Variants in SLC15A5 observed in about 807,000 individuals in gnomAD.
SLC15A5 encodes the protein Peptide/histidine transporter ENSP00000340402.
A neutral mutation model predicts 56.1 loss-of-function variants in SLC15A5; 58 were observed. The observed-to-expected ratio is 1.03, with a 90% confidence interval of 0.84 to 1.29. The LOEUF is 1.29. SLC15A5 is among the 50% of genes most tolerant of loss of function. The pLI is 0.00. For synonymous variants in SLC15A5, 264 were observed against 250.5 expected (o/e 1.05, Z -0.51); for missense variants, 681 against 672.1 (o/e 1.01, Z -0.15).
chr12:16,190,753 T>G (rs1352393059), intron 8 of SLC15A5, among the ~76,000 whole-genome samples: 1 of 152,144 alleles, frequency 6.6e-6, no homozygotes, highest in Non-Finnish European at 1.5e-5. Flanking sequence ...TAACTGTAAC[T>G]GTAACTCTAA....
At chr12:16,272,898 A>G (rs944470376) in intron 1 of SLC15A5, 115 bp from the exon 2 acceptor site, 21 of 920,776 alleles carry the variant, frequency 2.3e-5, no homozygotes, top group African/African-American at 3.3e-5. Flanking sequence ...TGTCTTATCC[A>G]AACATTTATG....
chr12:16,267,470 T>TA (rs1250816830), intron 2 of SLC15A5, among the ~76,000 whole-genome samples: 2 of 116,756 alleles, frequency 1.7e-5, no homozygotes, highest in Non-Finnish European at 3.7e-5. Flanking sequence ...AGTTCCTTTT[T>TA]ATCTGTAAAT....
chr12:16,208,820 G>A (rs1424993111), intron 7 of SLC15A5, among the ~76,000 whole-genome samples: 1 of 152,094 alleles, frequency 6.6e-6, no homozygotes, highest in African/African-American at 2.4e-5. Context: ...GTATAAGGAG[G>A]TATGTCCTCA....
chr12:16,272,540 C>T (rs1864770641), intron 2 of SLC15A5, 21 bp downstream of exon 2: 1 of 1,533,314 alleles, frequency 6.5e-7, no homozygotes, highest in Admixed American at 2.0e-5. Flanking sequence ...CCTCTTTTCT[C>T]TCCTAGCCAG....
intron 7 of SLC15A5, among the ~76,000 whole-genome samples, chr12:16,203,981 T>A (rs1863988952): frequency 6.6e-6 from 1 of 152,054 alleles, no homozygotes; most frequent in African/African-American, 2.4e-5. Context: ...GTATAAAATG[T>A]CTATGATAAT....
intron 7 of SLC15A5, among the ~76,000 whole-genome samples, chr12:16,209,365 A>G (rs990675348): frequency 6.6e-6 from 1 of 151,886 alleles, no homozygotes; most frequent in Non-Finnish European, 1.5e-5. Flanking sequence ...GTTCCTTTCC[A>G]TCCAACCTCT....
chr12:16,239,961 C>T, intron 4 of SLC15A5, 94 bp from the exon 5 acceptor site: 1 of 1,119,504 alleles, frequency 8.9e-7, no homozygotes, highest in Non-Finnish European at 1.2e-6. Context: ...TGCACGTACT[C>T]TGTGATGGAT....
chr12:16,228,644 T>TCTCCTCCTG (rs1388251484), intron 5 of SLC15A5, among the ~76,000 whole-genome samples: 1 of 152,088 alleles, frequency 6.6e-6, no homozygotes, highest in African/African-American at 2.4e-5. Context: ...AAGGCCAACC[T>TCTCCTCCTG]CTCCTCCTGC....
chr12:16,238,586 C>G (rs1031727769), intron 5 of SLC15A5, among the ~76,000 whole-genome samples: 2 of 147,050 alleles, frequency 1.4e-5, no homozygotes, highest in Non-Finnish European at 3.0e-5. Flanking sequence ...GCCGAGATAG[C>G]GCCACTGCAC....
intron 8 of SLC15A5, among the ~76,000 whole-genome samples, chr12:16,193,615 C>T (rs1863859889): frequency 6.6e-6 from 1 of 151,866 alleles, no homozygotes; most frequent in South Asian, 2.1e-4. Context: ...AAATGAAAAT[C>T]TGCTTAGTTT....
At chr12:16,261,764 A>G (rs1220453107) in intron 2 of SLC15A5, among the ~76,000 whole-genome samples, 3 of 152,118 alleles carry the variant, frequency 2.0e-5, no homozygotes, top group Non-Finnish European at 4.4e-5. Context: ...CTGGTATATC[A>G]TTGTGGTTTT....
chr12:16,269,169 T>C lies in SLC15A5; in HGVS notation c.584+3392A>G, dbSNP rs888181432. Among the ~76,000 whole-genome samples, 1 of 152,206 alleles carries C rather than the reference T, an allele frequency of 6.6e-6. No individual in the cohort carries two copies. The highest frequency in any genetic ancestry group is 2.4e-5 in the African/African-American group (1 of 41,462). On this transcript the variant is annotated intron_variant, in intron 2 of 8. Transcript: ENST00000344941. This position sits in a 1 kb window ranked among gnomAD's most constrained non-coding sequence, Gnocchi z 4.7. ...CCAGCCAATCTCTGCTGATTTGTTA[T>C]TGCAGCCTGAATAGACTAAGACAGT...
intron 5 of SLC15A5, among the ~76,000 whole-genome samples, chr12:16,238,685 TG>T (rs1864378054): frequency 6.6e-6 from 1 of 151,516 alleles, no homozygotes; most frequent in Admixed American, 6.6e-5. Flanking sequence ...ATCTTCTATA[TG>T]CCTGACCTTG....
intron 5 of SLC15A5, among the ~76,000 whole-genome samples, chr12:16,233,080 G>A (rs1864313726): frequency 6.6e-6 from 1 of 152,148 alleles, no homozygotes; most frequent in South Asian, 2.1e-4. Context: ...TTTTCTTTCA[G>A]AATTTGAATT....
intron 3 of SLC15A5, among the ~76,000 whole-genome samples, chr12:16,256,876 A>G (rs1319092557): frequency 3.4e-5 from 5 of 148,902 alleles, no homozygotes; most frequent in African/African-American, 5.0e-5. Flanking sequence ...AAAAATAATA[A>G]TAATAATAAA....
intron 2 of SLC15A5, among the ~76,000 whole-genome samples, chr12:16,259,023 C>CT (rs1864610919): frequency 2.1e-5 from 1 of 48,266 alleles, no homozygotes; most frequent in Non-Finnish European, 3.8e-5. Flanking sequence ...TTCTTTCTTT[C>CT]CTTTTTTTTT....
chr12:16,252,593 CGAA>C (rs1392940546), intron 3 of SLC15A5, among the ~76,000 whole-genome samples: 2 of 151,648 alleles, frequency 1.3e-5, no homozygotes, highest in Non-Finnish European at 2.9e-5. Context: ...ATAAACTTAA[CGAA>C]GAAGGTGAAA....
intron 4 of SLC15A5, among the ~76,000 whole-genome samples, chr12:16,240,158 GAT>G (rs532029000): frequency 8.1e-4 from 124 of 152,236 alleles, no homozygotes; most frequent in South Asian, 5.0e-3. Flanking sequence ...TTGTGCTTAA[GAT>G]GACACATAAA....
intron 3 of SLC15A5, among the ~76,000 whole-genome samples, chr12:16,253,905 C>CTA (rs1422967151): frequency 6.6e-6 from 1 of 152,070 alleles, no homozygotes; most frequent in Non-Finnish European, 1.5e-5. Context: ...AGAATTACTA[C>CTA]TATATGATTC....
Sources: gnomAD v4.1 joint callset for allele counts (sites outside exome capture counted in the v4.1 genomes callset) on GRCh38, gnomAD v4.1.1 for gene constraint, Gnocchi (gnomAD v3.1) non-coding constraint, MANE v1.5 for transcripts, NCBI Gene and HGNC (gene_info 2026-07-23, HGNC 2026-07-21) for gene names.